Variants in MTUS2 observed in about 807,000 individuals in gnomAD.
The protein encoded by MTUS2 is microtubule associated scaffold protein 2, also known as microtubule-associated tumor suppressor candidate 2.
In MTUS2, 40 loss-of-function variants were observed where a neutral mutation model predicts 114.1. The observed-to-expected ratio is 0.35, with a 90% CI of 0.27 to 0.46. MTUS2 has a LOEUF of 0.46. Among genes scored for constraint, MTUS2 ranks in the 20% least tolerant of loss-of-function variants. The pLI, the probability that MTUS2 is intolerant of heterozygous loss-of-function variation, is 1.00. For synonymous variants in MTUS2, 688 were observed against 672.0 expected (o/e 1.02, Z -0.37); for missense variants, 1,679 against 1,705.4 (o/e 0.98, Z 0.27).
At chr13:28,978,684 A>G (rs185182675) in intron 2 of MTUS2, among the ~76,000 whole-genome samples, 2 of 152,332 alleles carry the variant, frequency 1.3e-5, no homozygotes, top group East Asian at 1.9e-4. Context: ...GCAGGTATGT[A>G]TGTCCTGTAG....
chr13:29,143,957 G>T (rs1892327908), intron 5 of MTUS2, among the ~76,000 whole-genome samples: 2 of 152,326 alleles, frequency 1.3e-5, no homozygotes, highest in South Asian at 4.1e-4. Context: ...GAATGCAGAA[G>T]TGCCATAGTG....
At chr13:29,464,941 G>A (rs1879781424) in intron 9 of MTUS2, among the ~76,000 whole-genome samples, 1 of 152,234 alleles carries the variant, frequency 6.6e-6, no homozygotes, top group African/African-American at 2.4e-5. Flanking sequence ...AGAAGCACTG[G>A]CTTGGGACAG....
chr13:29,500,471 A>G (rs1003985755), intron 14 of MTUS2, among the ~76,000 whole-genome samples: 1 of 152,158 alleles, frequency 6.6e-6, no homozygotes, highest in Admixed American at 6.5e-5. Flanking sequence ...AAAGGCATCA[A>G]TTGCCGGGGA....
intron 5 of MTUS2, among the ~76,000 whole-genome samples, chr13:29,148,400 C>G (rs1315934563): frequency 6.1e-3 from 1 of 164 alleles, no homozygotes; most frequent in Non-Finnish European, 0.056. Context: ...TGTGTTGTTG[C>G]CCCCCCATGT....
In MTUS2 at chr13:29,382,389, A is replaced by G. The variant is rs1872279635; in HGVS notation, c.3117+22916A>G. On this transcript the variant is annotated intron_variant, in intron 8 of 15. Transcript: ENST00000612955. ...GAGGGTGATGGGGGCCTGGACCAGC[A>G]TGGTGGAGATGGCGTGAAGTCGATG... Among the ~76,000 whole-genome samples the G allele has an allele frequency of 2.0e-5, 3 of 152,286 alleles. No homozygotes were observed. The South Asian group carries it at 6.2e-4, about 32-fold the overall frequency.
chr13:29,487,927 G>C lies in MTUS2; in HGVS notation c.3427G>C (p.Ala1143Pro). The change falls in exon 11 of 16, where the codon GCT (alanine) becomes CCT (proline). Residue 1143 changes from alanine (A) to proline (P), a missense_variant. Ala to Pro is a conservative substitution (Grantham distance 27). This residue lies in a region of MTUS2 where 822 missense variants were observed against 899.7 expected (regional missense o/e 0.91). Coordinates refer to ENST00000612955, the MANE Select transcript of MTUS2 (RefSeq NM_001033602.4). ...QVEDLTASHDAALLEMENNHT... is the reference protein window; with the variant it reads ...QVEDLTASHDPALLEMENNHT... ...GGAAGATCTCACCGCCAGCCATGAT[G>C]CTGCTCTCCTAGAGATGGAAAATAA... The C allele has an allele frequency of 6.2e-7, 1 of 1,614,096 alleles. No homozygotes were observed. The highest frequency in any genetic ancestry group is 8.5e-7 in the Non-Finnish European group (1 of 1,180,006).
chr13:29,413,576 A>G (rs1875432382), intron 8 of MTUS2, among the ~76,000 whole-genome samples: 1 of 85,624 alleles, frequency 1.2e-5, no homozygotes, highest in Non-Finnish European at 2.4e-5. Flanking sequence ...GCTAATATCC[A>G]GAATCTACAA....
intron 5 of MTUS2, among the ~76,000 whole-genome samples, chr13:29,173,745 A>G (rs1214555042): frequency 6.6e-6 from 1 of 152,094 alleles, no homozygotes; most frequent in Non-Finnish European, 1.5e-5. Context: ...AAGAAATTAT[A>G]TTGCTCTTCT....
At chr13:29,290,159 C>G (rs968389946) in intron 6 of MTUS2, among the ~76,000 whole-genome samples, 1 of 152,168 alleles carries the variant, frequency 6.6e-6, no homozygotes. Flanking sequence ...GTGCCTTTCT[C>G]TAAGGGATTA....
chr13:28,823,087 CAG>C (rs150063945), intron 1 of MTUS2, among the ~76,000 whole-genome samples: 3,533 of 152,322 alleles, frequency 0.023, 130 homozygotes, highest in African/African-American at 0.076. Context: ...TTCCTCCTCT[CAG>C]AGGCAGGATG....
At chr13:29,228,751 G>C (rs982883935) in intron 5 of MTUS2, among the ~76,000 whole-genome samples, 9 of 132,826 alleles carry the variant, frequency 6.8e-5, no homozygotes, top group African/African-American at 2.5e-4. Flanking sequence ...GAAAGGAGAA[G>C]GGGGGGAAGA....
At chr13:28,905,146 G>T (rs1879909826) in intron 2 of MTUS2, among the ~76,000 whole-genome samples, 1 of 151,586 alleles carries the variant, frequency 6.6e-6, no homozygotes, top group Non-Finnish European at 1.5e-5. Context: ...AGCTTAAGGA[G>T]ATTTTGGGCT....
intron 8 of MTUS2, chr13:29,428,813 G>A (rs1876768847): frequency 1.9e-6 from 3 of 1,613,628 alleles, no homozygotes; most frequent in Non-Finnish European, 2.5e-6. Flanking sequence ...CTTGAATGAA[G>A]GAGGTCCCCT....
chr13:29,237,438 C>G (rs1337640064), intron 5 of MTUS2, among the ~76,000 whole-genome samples: 1 of 152,122 alleles, frequency 6.6e-6, no homozygotes, highest in African/African-American at 2.4e-5. Flanking sequence ...CCACCCTGCC[C>G]CCAAGCAGAT....
chr13:28,884,555 A>G (rs959994876), intron 2 of MTUS2, among the ~76,000 whole-genome samples: 1 of 145,672 alleles, frequency 6.9e-6, no homozygotes, highest in Non-Finnish European at 1.5e-5. Flanking sequence ...TTTTACCACA[A>G]TAAAAATTGC....
At chr13:29,029,790 G>A (rs1168404050) in intron 3 of MTUS2, among the ~76,000 whole-genome samples, 1 of 152,094 alleles carries the variant, frequency 6.6e-6, no homozygotes, top group Non-Finnish European at 1.5e-5. Context: ...GGAGGTGCCA[G>A]GCCTCTCTTT....
intron 5 of MTUS2, among the ~76,000 whole-genome samples, chr13:29,148,729 C>T (rs191028423): frequency 0.054 from 3,586 of 66,464 alleles, 503 homozygotes; most frequent in African/African-American, 0.11. Context: ...CCGCCCGCCT[C>T]GGCCTCCCAA....
At chr13:29,296,353 C>A (rs1898943610) in intron 6 of MTUS2, among the ~76,000 whole-genome samples, 2 of 152,028 alleles carry the variant, frequency 1.3e-5, no homozygotes, top group African/African-American at 4.8e-5. Context: ...TACAGACACA[C>A]ACCACCATGC....
At chr13:29,151,996 ATTG>A (rs1003187268) in intron 5 of MTUS2, among the ~76,000 whole-genome samples, 2 of 151,730 alleles carry the variant, frequency 1.3e-5, no homozygotes, top group African/African-American at 2.4e-5. Context: ...GTTTTCTTTT[ATTG>A]TTGTGTCTTC....
Sources: allele counts gnomAD v4.1 joint callset (sites outside exome capture counted in the v4.1 genomes callset), GRCh38; gene constraint gnomAD v4.1.1; regional missense constraint gnomAD v4.1.1; transcripts MANE v1.5; gene names NCBI Gene and HGNC (gene_info 2026-07-23, HGNC 2026-07-21).